Variants in ENTREP2 observed in about 807,000 individuals in gnomAD.
ENTREP2 encodes the protein protein ENTREP2.
chr15:29,586,183 G>T, the ENTREP2 span, among the ~76,000 whole-genome samples: 1 of 152,042 alleles, frequency 6.6e-6, no homozygotes, highest in Non-Finnish European at 1.5e-5. Context: ...GATGAATTTT[G>T]AAAATATTAT....
chr15:29,579,121 T>C, the ENTREP2 span, among the ~76,000 whole-genome samples: 1 of 152,184 alleles, frequency 6.6e-6, no homozygotes, highest in East Asian at 1.9e-4. Context: ...TTCTCATCCA[T>C]CAACTGAACA....
the ENTREP2 span, among the ~76,000 whole-genome samples, chr15:29,203,591 T>C: frequency 2.6e-5 from 4 of 152,322 alleles, no homozygotes; most frequent in African/African-American, 7.2e-5. Flanking sequence ...GATATATTTA[T>C]CTTTTTGTGG....
At chr15:29,389,666 C>A in the ENTREP2 span, among the ~76,000 whole-genome samples, 7 of 152,204 alleles carry the variant, frequency 4.6e-5, no homozygotes, top group East Asian at 5.8e-4. Context: ...CCTACCTTGC[C>A]GTGGGCATCA....
the ENTREP2 span, chr15:29,269,396 T>A: frequency 6.2e-7 from 1 of 1,614,154 alleles, no homozygotes; most frequent in Non-Finnish European, 8.5e-7. Flanking sequence ...TTGATCGGAA[T>A]CTTCTTCTGG....
At chr15:29,595,594 A>C in the ENTREP2 span, among the ~76,000 whole-genome samples, 1 of 152,062 alleles carries the variant, frequency 6.6e-6, no homozygotes, top group Non-Finnish European at 1.5e-5. Context: ...CCTTATCTAA[A>C]GTCTTATCTA....
At chr15:29,166,572 T>C in the ENTREP2 span, among the ~76,000 whole-genome samples, 2 of 151,946 alleles carry the variant, frequency 1.3e-5, no homozygotes, top group African/African-American at 4.8e-5. Context: ...CCTTTTACAA[T>C]AGCTGCAAAA....
the ENTREP2 span, among the ~76,000 whole-genome samples, chr15:29,487,562 G>A: frequency 6.6e-6 from 1 of 152,186 alleles, no homozygotes; most frequent in East Asian, 1.9e-4. Flanking sequence ...AGAGACTTCA[G>A]AGACCACACA....
chr15:29,423,033 T>C, the ENTREP2 span, among the ~76,000 whole-genome samples: 2 of 152,172 alleles, frequency 1.3e-5, no homozygotes, highest in Admixed American at 1.3e-4. Flanking sequence ...AAAAATGGGT[T>C]CCACGTCAAC....
the ENTREP2 span, chr15:29,269,331 G>A: frequency 6.2e-7 from 1 of 1,614,196 alleles, no homozygotes; most frequent in Non-Finnish European, 8.5e-7. Flanking sequence ...GTTTGAAGAG[G>A]TCGGGGAAGA....
At chr15:29,559,647 C>G in the ENTREP2 span, among the ~76,000 whole-genome samples, 1 of 152,102 alleles carries the variant, frequency 6.6e-6, no homozygotes, top group South Asian at 2.1e-4. Context: ...GCTCATAACT[C>G]TCTTCCTCAC....
the ENTREP2 span, chr15:29,233,773 T>C: frequency 1.3e-6 from 2 of 1,539,266 alleles, no homozygotes; most frequent in African/African-American, 2.7e-5. Flanking sequence ...TCTGATGATG[T>C]GTGTGGTGTC....
the ENTREP2 span, among the ~76,000 whole-genome samples, chr15:29,521,069 G>T: frequency 6.6e-6 from 1 of 152,170 alleles, no homozygotes; most frequent in Non-Finnish European, 1.5e-5. Context: ...TGGAGGCACT[G>T]TTGGTTGTCC....
the ENTREP2 span, among the ~76,000 whole-genome samples, chr15:29,535,944 C>T: frequency 6.6e-6 from 1 of 152,138 alleles, no homozygotes; most frequent in African/African-American, 2.4e-5. Context: ...AGTCGGAAAA[C>T]ATTCCCCAAA....
chr15:29,639,974 G>A, the ENTREP2 span, among the ~76,000 whole-genome samples: 4 of 151,992 alleles, frequency 2.6e-5, no homozygotes, highest in Non-Finnish European at 5.9e-5. Flanking sequence ...TCACCACGTT[G>A]GCCAGGCTGG....
chr15:29,318,712 G>A, the ENTREP2 span, among the ~76,000 whole-genome samples: 1 of 152,150 alleles, frequency 6.6e-6, no homozygotes, highest in South Asian at 2.1e-4. Flanking sequence ...TATGCTCTGG[G>A]AAACCAAAGG....
the ENTREP2 span, among the ~76,000 whole-genome samples, chr15:29,201,281 C>T: frequency 6.6e-6 from 1 of 152,058 alleles, no homozygotes; most frequent in Non-Finnish European, 1.5e-5. Context: ...TCTTGCCATA[C>T]TACATTGGCT....
At chr15:29,272,767 T>G in the ENTREP2 span, among the ~76,000 whole-genome samples, 1 of 152,222 alleles carries the variant, frequency 6.6e-6, no homozygotes, top group African/African-American at 2.4e-5. Flanking sequence ...TGTCTCTCCC[T>G]GGGACCCATA....
chr15:29,633,572 G>A, the ENTREP2 span, among the ~76,000 whole-genome samples: 1 of 151,876 alleles, frequency 6.6e-6, no homozygotes, highest in Non-Finnish European at 1.5e-5. Flanking sequence ...GGGTGGGGAG[G>A]GAAAAGATCA....
the ENTREP2 span, chr15:29,375,801 T>A: frequency 6.6e-6 from 1 of 152,124 alleles, no homozygotes; most frequent in Non-Finnish European, 1.5e-5. Context: ...ATGTGGTTAC[T>A]GTGAAGCACA....
Sources: allele counts gnomAD v4.1 joint callset (sites outside exome capture counted in the v4.1 genomes callset), GRCh38; gene constraint gnomAD v4.1.1; transcripts MANE v1.5; gene names NCBI Gene and HGNC (gene_info 2026-07-23, HGNC 2026-07-21).